RABGAP1L: variants seen among roughly 807,000 people sequenced by gnomAD.
RABGAP1L encodes the protein rab GTPase-activating protein 1-like.
A neutral mutation model predicts 137.7 loss-of-function variants in RABGAP1L; 63 were observed. That is an observed-to-expected ratio of 0.46 (90% CI 0.37 to 0.56). RABGAP1L has a LOEUF of 0.56. Ranked by LOEUF, RABGAP1L falls within the 20% of genes least tolerant of loss-of-function variation. The pLI, the probability that RABGAP1L is intolerant of heterozygous loss-of-function variation, is 0.00. For missense variants in RABGAP1L, 1,095 were observed against 1,244.0 expected, an observed-to-expected ratio of 0.88 and a Z score of 1.80; for synonymous variants, 431 against 433.7, an observed-to-expected ratio of 0.99 and a Z score of 0.08.
At chr1:174,306,483 T>A (rs1025517161) in intron 11 of RABGAP1L, among the ~76,000 whole-genome samples, 4 of 152,200 alleles carry the variant, frequency 2.6e-5, no homozygotes, top group African/African-American at 7.2e-5. Flanking sequence ...GGTATCTCAT[T>A]GTGGTTTTGA....
chr1:174,547,029 CAA>C (rs375413887), intron 13 of RABGAP1L, among the ~76,000 whole-genome samples: 2,288 of 77,580 alleles, frequency 0.029, 3 homozygotes, highest in Middle Eastern at 0.085. Context: ...GACTCTGTCT[CAA>C]AAAAAAAAAA....
At chr1:174,545,803 T>C (rs917634706) in intron 13 of RABGAP1L, 1 of 152,278 alleles carries the variant, frequency 6.6e-6, no homozygotes, top group Non-Finnish European at 1.5e-5. Flanking sequence ...GCTTCCAAGC[T>C]TCTGTTGGAT....
rs554750931 is a variant in RABGAP1L, at chr1:174,462,529, AT to A, written c.1710+68392del. ...TTTGACTTCTGCAAATGTGATATAC[AT>A]TTTTTTTCAACTTTTATTGTAGGTT... On this transcript the variant is annotated intron_variant, in intron 13 of 25. Transcript: ENST00000681986. Among the ~76,000 whole-genome samples, 3 of 151,530 alleles carry A rather than the reference AT, an allele frequency of 2.0e-5. 1 individual carries two copies. The highest frequency in any genetic ancestry group is 4.2e-4 in the South Asian group (2 of 4,782).
intron 8 of RABGAP1L, among the ~76,000 whole-genome samples, chr1:174,275,563 T>C (rs1281902658): frequency 1.3e-5 from 2 of 152,148 alleles, no homozygotes; most frequent in African/African-American, 2.4e-5. Context: ...AACAATATTA[T>C]GTTTTTTTGA....
chr1:174,918,612 G>T (rs560801369), intron 19 of RABGAP1L, among the ~76,000 whole-genome samples: 1 of 151,950 alleles, frequency 6.6e-6, no homozygotes, highest in African/African-American at 2.4e-5. Flanking sequence ...GTGAAACCTC[G>T]TCTCTAGAAA....
At chr1:174,552,239 G>A (rs531877034) in intron 13 of RABGAP1L, among the ~76,000 whole-genome samples, 1 of 152,072 alleles carries the variant, frequency 6.6e-6, no homozygotes, top group African/African-American at 2.4e-5. Flanking sequence ...TGTGGTGGGG[G>A]TTTTTGTATA....
At chr1:174,742,400 C>T (rs1380418005) in intron 17 of RABGAP1L, among the ~76,000 whole-genome samples, 1 of 152,040 alleles carries the variant, frequency 6.6e-6, no homozygotes, top group African/African-American at 2.4e-5. Context: ...ACCTGTAATC[C>T]CAGCTACTCG....
At chr1:174,613,566 G>A (rs11487400) in intron 13 of RABGAP1L, among the ~76,000 whole-genome samples, 59,297 of 151,880 alleles carry the variant, frequency 0.39, 14,614 homozygotes, top group African/African-American at 0.7. Context: ...GCAGATGGCT[G>A]TTAGGTCTGC....
intron 18 of RABGAP1L, among the ~76,000 whole-genome samples, chr1:174,760,678 C>A (rs1441335912): frequency 6.6e-6 from 1 of 152,118 alleles, no homozygotes; most frequent in East Asian, 1.9e-4. Flanking sequence ...TTCCTTTGGG[C>A]ATATACAAAG....
chr1:174,510,877 G>A (rs1304785148), intron 13 of RABGAP1L, among the ~76,000 whole-genome samples: 1 of 152,018 alleles, frequency 6.6e-6, no homozygotes, highest in Non-Finnish European at 1.5e-5. Flanking sequence ...GATTTTCAAG[G>A]CAAACTAATT....
At chr1:174,561,708 A>G (rs567303775) in intron 13 of RABGAP1L, among the ~76,000 whole-genome samples, 18 of 152,312 alleles carry the variant, frequency 1.2e-4, no homozygotes, top group Admixed American at 1.2e-3. Flanking sequence ...AACACCACAC[A>G]TCTACAAACA....
chr1:174,368,472 C>T (rs1468288634), intron 11 of RABGAP1L, among the ~76,000 whole-genome samples: 2 of 152,138 alleles, frequency 1.3e-5, no homozygotes, highest in Non-Finnish European at 2.9e-5. Flanking sequence ...TAGGTATTAT[C>T]AATTTTTATA....
intron 5 of RABGAP1L, chr1:174,243,017 A>T (rs1288885461): frequency 6.6e-6 from 1 of 152,164 alleles, no homozygotes; most frequent in Non-Finnish European, 1.5e-5. Flanking sequence ...CTGGCATTTC[A>T]TGTTGGCAGC....
intron 18 of RABGAP1L, among the ~76,000 whole-genome samples, chr1:174,799,543 C>T (rs1688536760): frequency 6.6e-6 from 1 of 152,092 alleles, no homozygotes; most frequent in African/African-American, 2.4e-5. Flanking sequence ...AAAGCTAGTT[C>T]ATCTCTCTGT....
chr1:174,629,967 G>C (rs911894641), intron 13 of RABGAP1L, among the ~76,000 whole-genome samples: 2 of 152,018 alleles, frequency 1.3e-5, no homozygotes, highest in African/African-American at 4.8e-5. Flanking sequence ...TCCCTGTCTT[G>C]TGCCAGTTTT....
intron 13 of RABGAP1L, among the ~76,000 whole-genome samples, chr1:174,456,784 A>C (rs952019556): frequency 2.0e-5 from 3 of 152,146 alleles, no homozygotes; most frequent in Admixed American, 6.6e-5. Context: ...AATGAGTTCC[A>C]CTGAGTTATT....
chr1:174,573,205 G>A (rs979331285), intron 13 of RABGAP1L, among the ~76,000 whole-genome samples: 2 of 148,148 alleles, frequency 1.3e-5, no homozygotes, highest in East Asian at 1.9e-4. Flanking sequence ...GTGTATATAT[G>A]TGTGACATAT....
At chr1:174,199,001 G>A (rs1013339436) in intron 1 of RABGAP1L, among the ~76,000 whole-genome samples, 8 of 152,094 alleles carry the variant, frequency 5.3e-5, no homozygotes, top group African/African-American at 1.2e-4. Flanking sequence ...CCAGCTACTC[G>A]GGAGGCTGAG....
At chr1:174,397,549 T>G (rs1357476833) in intron 13 of RABGAP1L, among the ~76,000 whole-genome samples, 13 of 152,168 alleles carry the variant, frequency 8.5e-5, no homozygotes, top group African/African-American at 2.9e-4. Context: ...TTCAGTCTTT[T>G]GCCCTTTCAG....
Sources: allele counts gnomAD v4.1 joint callset (sites outside exome capture counted in the v4.1 genomes callset), GRCh38; gene constraint gnomAD v4.1.1; transcripts MANE v1.5; gene names NCBI Gene and HGNC (gene_info 2026-07-23, HGNC 2026-07-21).